The following NAALADL2 variants were observed in gnomAD, a reference collection of about 807,000 sequenced individuals.
The protein encoded by NAALADL2 is inactive N-acetylated-alpha-linked acidic dipeptidase-like protein 2.
In NAALADL2, 76 loss-of-function variants were observed where a neutral mutation model predicts 87.2. That is an observed-to-expected ratio of 0.87 (90% CI 0.72 to 1.05). NAALADL2 has a LOEUF of 1.05. NAALADL2 is among the 50% of genes least tolerant of loss of function. The probability of loss-of-function intolerance (pLI) is 0.00; values close to 1 mark genes in which losing one functional copy is unlikely to be tolerated. For synonymous variants in NAALADL2, 354 were observed against 331.0 expected (o/e 1.07, Z -0.75); for missense variants, 1,089 against 945.8 (o/e 1.15, Z -1.99).
chr3:175,354,908 A>T (rs1167135997), intron 5 of NAALADL2, among the ~76,000 whole-genome samples: 5 of 150,224 alleles, frequency 3.3e-5, no homozygotes, highest in Non-Finnish European at 7.4e-5. Context: ...ACACACATAT[A>T]CACACATATA....
At chr3:174,609,638 C>G (rs991161208) in intron 2 of NAALADL2, among the ~76,000 whole-genome samples, 1 of 152,078 alleles carries the variant, frequency 6.6e-6, no homozygotes, top group African/African-American at 2.4e-5. Flanking sequence ...AGGAGAAGTA[C>G]AAACCACTCC....
intron 5 of NAALADL2, among the ~76,000 whole-genome samples, chr3:175,327,148 CTTTT>C (rs35198621): frequency 4.3e-4 from 43 of 99,498 alleles, no homozygotes; most frequent in African/African-American, 1.0e-3. Flanking sequence ...GTCTACATTT[CTTTT>C]TTTTTTTTTT....
rs1328261777 is a variant in NAALADL2 at position 175,361,461 on chromosome 3, G to T, written c.1090+37136G>T. Reference sequence around the variant, plus strand: ...CGCCACACTGACTTCCACAATGGTTGAACTAGTTTACAGTCCCACCAACAG... The same window carrying T: ...CGCCACACTGACTTCCACAATGGTTTAACTAGTTTACAGTCCCACCAACAG... On this transcript the variant is annotated intron_variant, in intron 5 of 13. Coordinates refer to ENST00000454872, the MANE Select transcript of NAALADL2 (RefSeq NM_207015.3). 1.4e-5 allele frequency among the ~76,000 whole-genome samples: 2 copies of T among 148,146 alleles called. 1 individual carries two copies. Among genetic ancestry groups the T allele is most frequent in the Non-Finnish European group, 3.0e-5 (2 of 66,582 alleles).
chr3:174,958,117 A>G (rs1321637286), intron 1 of NAALADL2, among the ~76,000 whole-genome samples: 1 of 141,540 alleles, frequency 7.1e-6, no homozygotes, highest in African/African-American at 2.7e-5. Flanking sequence ...CTGTTTAAGC[A>G]TTGAACAATA....
intron 1 of NAALADL2, among the ~76,000 whole-genome samples, chr3:174,978,982 C>T (rs1403039733): frequency 6.6e-6 from 1 of 151,998 alleles, no homozygotes; most frequent in Non-Finnish European, 1.5e-5. Flanking sequence ...AATATTTTTT[C>T]TCTTTTTTAA....
chr3:175,122,129 G>C lies in NAALADL2; in HGVS notation c.545+24838G>C, dbSNP rs141373208. ...CCTTGTGAATCCCACTTTTACAAAG[G>C]ATTTTCTTTTTCTGGTTATAAATAA... On this transcript the variant is annotated intron_variant, in intron 2 of 13. Transcript: ENST00000454872. 2.6e-5 allele frequency among the ~76,000 whole-genome samples: 4 copies of C among 151,900 alleles called. No homozygotes were observed. The South Asian group carries it at 8.3e-4, about 31-fold the overall frequency.
chr3:175,227,119 T>G (rs943741678), intron 2 of NAALADL2, among the ~76,000 whole-genome samples: 1 of 152,074 alleles, frequency 6.6e-6, no homozygotes, highest in African/African-American at 2.4e-5. Flanking sequence ...ATTTTTTCCA[T>G]GTGTACTTCT....
chr3:175,386,240 CT>C (rs1768364979), intron 5 of NAALADL2, among the ~76,000 whole-genome samples: 4 of 145,814 alleles, frequency 2.7e-5, no homozygotes, highest in Admixed American at 6.8e-5. Context: ...TTTTTTTATT[CT>C]GTAGGCCCCC....
chr3:174,507,152 T>C (rs1405439498), intron 1 of NAALADL2, among the ~76,000 whole-genome samples: 1 of 152,204 alleles, frequency 6.6e-6, no homozygotes, highest in East Asian at 1.9e-4. Context: ...TGTTTAATTC[T>C]ATAAGGAATT....
intron 5 of NAALADL2, among the ~76,000 whole-genome samples, chr3:175,352,568 C>T (rs2148880473): frequency 6.6e-6 from 1 of 152,214 alleles, no homozygotes; most frequent in Admixed American, 6.6e-5. Flanking sequence ...ATATAAGGTG[C>T]TGCCATTCAA....
chr3:175,719,296 G>A (rs1383533102), intron 11 of NAALADL2, among the ~76,000 whole-genome samples: 1 of 151,604 alleles, frequency 6.6e-6, no homozygotes, highest in East Asian at 1.9e-4. Context: ...GGTCCAATAT[G>A]TTGCTAAAAG....
intron 11 of NAALADL2, among the ~76,000 whole-genome samples, chr3:175,649,037 A>C (rs1686844204): frequency 1.3e-5 from 2 of 152,164 alleles, no homozygotes; most frequent in South Asian, 4.1e-4. Flanking sequence ...CAGAAGCTTA[A>C]TTCTTATTGT....
chr3:174,609,666 T>G (rs1245569736), intron 2 of NAALADL2, among the ~76,000 whole-genome samples: 1 of 151,576 alleles, frequency 6.6e-6, no homozygotes, highest in South Asian at 2.1e-4. Context: ...AATAAAAGAG[T>G]ATACAAAGAA....
chr3:175,438,888 G>T (rs547315048), intron 5 of NAALADL2, among the ~76,000 whole-genome samples: 1 of 152,076 alleles, frequency 6.6e-6, no homozygotes, highest in East Asian at 1.9e-4. Context: ...GGGGGAACGG[G>T]TGGTGTTTGG....
rs144329633 is a variant in NAALADL2, at chr3:175,238,296, C to T, written c.819+4092C>T. On this transcript the variant is annotated intron_variant, in intron 3 of 13. Coordinates refer to ENST00000454872, the MANE Select transcript of NAALADL2 (RefSeq NM_207015.3). ...TAAAATAAAGAAGAGTTTAAAAAAA[C>T]TTTTAAAATGCAGCTGTTAAAAGGG... Among the ~76,000 whole-genome samples the T allele has an allele frequency of 4.7e-3, 716 of 151,952 alleles. 1 individual carries two copies. Among genetic ancestry groups the T allele is most frequent in the Non-Finnish European group, 7.3e-3 (499 of 67,922 alleles).
At chr3:175,662,117 G>A (rs1007774787) in intron 11 of NAALADL2, among the ~76,000 whole-genome samples, 2 of 151,914 alleles carry the variant, frequency 1.3e-5, no homozygotes, top group Non-Finnish European at 3.0e-5. Flanking sequence ...AATTTCCCAC[G>A]AACATCAGAT....
chr3:175,388,768 G>C (rs1436008439), intron 5 of NAALADL2, among the ~76,000 whole-genome samples: 12 of 151,960 alleles, frequency 7.9e-5, no homozygotes, highest in Non-Finnish European at 2.9e-5. Flanking sequence ...TAGTGGATTG[G>C]TCATTTTTTA....
chr3:174,499,500 TC>T (rs1718753884), intron 1 of NAALADL2, among the ~76,000 whole-genome samples: 1 of 152,048 alleles, frequency 6.6e-6, no homozygotes, highest in Non-Finnish European at 1.5e-5. Context: ...GCTCTGCCTA[TC>T]CCTATCCCAA....
rs567547944 is a variant in NAALADL2 at position 175,805,734 on chromosome 3, G to C, written c.*2531G>C. 6.6e-6 allele frequency: 1 copy of C among 151,970 alleles called. No individual in the cohort carries two copies. The highest frequency in any genetic ancestry group is 1.5e-5 in the Non-Finnish European group (1 of 67,900). The allele number at this position is 151,970 out of a possible 1,614,324, so 9.4% of individuals were successfully genotyped here. Reference sequence around the variant, plus strand: ...CTCACAATCTTTCATACATAGAATTGTGCCTAGGAAATAATGAATCATAAA... The same window carrying C: ...CTCACAATCTTTCATACATAGAATTCTGCCTAGGAAATAATGAATCATAAA... On this transcript the variant is annotated 3_prime_UTR_variant, in exon 14 of 14. Coordinates refer to ENST00000454872, the MANE Select transcript of NAALADL2 (RefSeq NM_207015.3).
Sources: gnomAD v4.1 joint callset for allele counts (sites outside exome capture counted in the v4.1 genomes callset) on GRCh38, gnomAD v4.1.1 for gene constraint, MANE v1.5 for transcripts, NCBI Gene and HGNC (gene_info 2026-07-23, HGNC 2026-07-21) for gene names.